The following SLC28A1 variants were observed in gnomAD, a reference collection of about 807,000 sequenced individuals.
The protein encoded by SLC28A1 is solute carrier family 28 member 1.
In SLC28A1, 64 loss-of-function variants were observed where a neutral mutation model predicts 74.8. The observed-to-expected ratio is 0.86, with a 90% CI of 0.70 to 1.05. The LOEUF is 1.05. Among genes scored for constraint, SLC28A1 ranks in the 50% least tolerant of loss-of-function variants. The pLI, the probability that SLC28A1 is intolerant of heterozygous loss-of-function variation, is 0.00. For synonymous variants in SLC28A1, 359 were observed against 335.0 expected (o/e 1.07, Z -0.78); for missense variants, 828 against 822.8 (o/e 1.01, Z -0.08).
At chr15:84,956,454 T>TTCCTTCCTCC in the SLC28A1 span, among the ~76,000 whole-genome samples, 1 of 86,236 alleles carries the variant, frequency 1.2e-5, no homozygotes, top group African/African-American at 4.1e-5. Context: ...TTTCTTTCTT[T>TTCCTTCCTCC]CTTTCTTTCT....
chr15:84,928,130 C>T (rs951161198), intron 12 of SLC28A1, among the ~76,000 whole-genome samples: 3 of 152,202 alleles, frequency 2.0e-5, no homozygotes, highest in Non-Finnish European at 2.9e-5. Flanking sequence ...CAGCCCTGGG[C>T]AGTCTGGCTT....
intron 13 of SLC28A1, 73 bp from the exon 14 acceptor site, chr15:84,934,953 G>C: frequency 1.6e-6 from 2 of 1,278,130 alleles, no homozygotes; most frequent in Non-Finnish European, 2.3e-6. Context: ...GTTCCTATTT[G>C]AGCCTATAGG....
At chr15:84,926,129 A>G (rs1305535679) in intron 12 of SLC28A1, among the ~76,000 whole-genome samples, 6 of 148,806 alleles carry the variant, frequency 4.0e-5, no homozygotes, top group Non-Finnish European at 7.4e-5. Flanking sequence ...ATAATAAAAT[A>G]TTGTATTTTA....
Position 84,943,458 on chromosome 15 carries a change from T to C in SLC28A1, c.1595T>C (p.Val532Ala). The change falls in exon 16 of 19, where the codon GTC (valine) becomes GCC (alanine). Residue 532 changes from valine to alanine, a missense_variant. Coordinates refer to ENST00000394573, the MANE Select transcript of SLC28A1 (RefSeq NM_004213.5). The part of the protein sequence containing the change: ...RKQWISVRAE[V>A]LTTFALCGFA... ...CTGTATTTTCAGGTCAGAGCTGAAGTCCTCACGACGTTTGCCCTCTGTGGA... is the reference window on the plus strand; with the variant it reads ...CTGTATTTTCAGGTCAGAGCTGAAGCCCTCACGACGTTTGCCCTCTGTGGA... 6.2e-7 allele frequency: 1 copy of C among 1,613,924 alleles called. No individual in the cohort carries two copies. Among genetic ancestry groups the C allele is most frequent in the Non-Finnish European group, 8.5e-7 (1 of 1,179,838 alleles).
chr15:84,922,735 C>T (rs987483448), intron 11 of SLC28A1, among the ~76,000 whole-genome samples: 8 of 152,330 alleles, frequency 5.3e-5, no homozygotes, highest in Non-Finnish European at 7.3e-5. Flanking sequence ...CTGTCTCAGG[C>T]GGCTCCCCCG....
At chr15:84,912,800 G>GCGCGCGCGTGCGCGCA (rs1567150736) in intron 9 of SLC28A1, among the ~76,000 whole-genome samples, 3 of 51,656 alleles carry the variant, frequency 5.8e-5, no homozygotes, top group African/African-American at 1.7e-4. Flanking sequence ...CAAATTTTGC[G>GCGCGCGCGTGCGCGCA]CGCGCGCACA....
intron 12 of SLC28A1, among the ~76,000 whole-genome samples, chr15:84,929,849 G>A (rs576822304): frequency 2.6e-5 from 4 of 152,302 alleles, no homozygotes; most frequent in Admixed American, 6.5e-5. Context: ...GTGACAGAGC[G>A]AGACCCTTTG....
chr15:84,890,599 G>A (rs1345643038), intron 5 of SLC28A1, 65 bp downstream of exon 5: 27 of 1,308,192 alleles, frequency 2.1e-5, no homozygotes, highest in Non-Finnish European at 2.9e-5. Context: ...CATGTCTCAG[G>A]GCAGGGTCAT....
chr15:84,917,053 G>A lies in SLC28A1; in HGVS notation c.796-1471G>A, dbSNP rs1205090709. Among the ~76,000 whole-genome samples the A allele has an allele frequency of 8.8e-5, 13 of 148,076 alleles. No homozygotes were observed. The East Asian group carries it at 9.9e-4, about 11-fold the overall frequency. On this transcript the variant is annotated intron_variant, in intron 9 of 18. Transcript: ENST00000394573. ...AAAAAAAAAAAAATAAATAAAAAAG[G>A]TAGGAACAGATGAGAAATTCAGAAA... is the stretch of plus-strand genomic sequence containing the variant.
the SLC28A1 span, among the ~76,000 whole-genome samples, chr15:84,956,304 A>C: frequency 5.9e-5 from 9 of 152,060 alleles, no homozygotes; most frequent in Admixed American, 3.3e-4. Flanking sequence ...GCTGTATTCC[A>C]TTAATGTGTT....
chr15:84,892,351 G>T (rs994616913), intron 5 of SLC28A1, among the ~76,000 whole-genome samples: 1 of 152,100 alleles, frequency 6.6e-6, no homozygotes, highest in Non-Finnish European at 1.5e-5. Flanking sequence ...GCTGAGATGG[G>T]GTGGGTCCAT....
rs146784561 is a variant in SLC28A1 at position 84,894,447 on chromosome 15, C to T, written c.278-493C>T. 9.3e-5 allele frequency among the ~76,000 whole-genome samples: 14 copies of T among 151,108 alleles called. No homozygotes were observed. The East Asian group carries it at 2.7e-3, about 29-fold the overall frequency. On this transcript the variant is annotated intron_variant, in intron 5 of 18. Transcript: ENST00000394573. ...ATTCTTATGTGTCTTTCCTGATGGA[C>T]TGGCTGAGTGGCTCAAAGAAGAGAA...
At chr15:84,959,482 T>A in the SLC28A1 span, among the ~76,000 whole-genome samples, 1 of 152,152 alleles carries the variant, frequency 6.6e-6, no homozygotes, top group African/African-American at 2.4e-5. Flanking sequence ...ACTCCTTTTT[T>A]TTTTGTAATG....
chr15:84,895,279 C>T (rs1043280474), intron 6 of SLC28A1, 156 bp downstream of exon 6: 38 of 1,590,950 alleles, frequency 2.4e-5, no homozygotes, highest in African/African-American at 2.7e-5. Context: ...TGGCTTCAAA[C>T]AAAGCAGCAT....
At chr15:84,941,211 G>GTT (rs1163683292) in intron 15 of SLC28A1, 5 of 144,980 alleles carry the variant, frequency 3.4e-5, no homozygotes, top group South Asian at 2.2e-4. Flanking sequence ...TTTGGGATTT[G>GTT]TTTTTTTTTT....
chr15:84,961,304 G>A, the SLC28A1 span, among the ~76,000 whole-genome samples: 95 of 151,708 alleles, frequency 6.3e-4, no homozygotes, highest in African/African-American at 2.0e-3. Context: ...AGCAACCTCA[G>A]GTGACTCATT....
At chr15:84,933,336 G>A (rs1971528038) in intron 13 of SLC28A1, 61 bp downstream of exon 13, 2 of 1,582,992 alleles carry the variant, frequency 1.3e-6, no homozygotes, top group South Asian at 1.1e-5. Flanking sequence ...GAGCAAAGCA[G>A]AGGGTCCCGT....
intron 11 of SLC28A1, among the ~76,000 whole-genome samples, chr15:84,923,188 T>TCCC (rs1420400548): frequency 6.6e-6 from 1 of 152,276 alleles, no homozygotes; most frequent in East Asian, 1.9e-4. Flanking sequence ...TCCTACCACC[T>TCCC]CAGCCTCCCA....
Position 84,931,519 on chromosome 15 carries a change from G to A in SLC28A1, c.1084-1626G>A, listed in dbSNP as rs537032469. ...AAAAAAAAATTAGCTGGGCGTGGTGGTGGGCGCCTGTAGTCCCAGCTACTT... is the reference window on the plus strand; with the variant it reads ...AAAAAAAAATTAGCTGGGCGTGGTGATGGGCGCCTGTAGTCCCAGCTACTT... On this transcript the variant is annotated intron_variant, in intron 12 of 18. Transcript: ENST00000394573. Among the ~76,000 whole-genome samples, 4 of 151,148 alleles carry A rather than the reference G, an allele frequency of 2.6e-5. No homozygotes were observed. In the South Asian group the frequency reaches 6.3e-4, roughly 24 times the overall value.
Sources: allele counts gnomAD v4.1 joint callset (sites outside exome capture counted in the v4.1 genomes callset), GRCh38; gene constraint gnomAD v4.1.1; transcripts MANE v1.5; gene names NCBI Gene and HGNC (gene_info 2026-07-23, HGNC 2026-07-21).